Variants in RASSF6 observed in about 807,000 individuals in gnomAD.
The protein encoded by RASSF6 is Ras association domain family member 6.
In RASSF6, 52 loss-of-function variants were observed where a neutral mutation model predicts 44.0. The ratio of observed to expected loss-of-function variants is 1.18; its 90% confidence interval spans 0.95 to 1.49. The LOEUF is 1.49. RASSF6 is among the 40% of genes most tolerant of loss of function. The pLI is 0.00. For missense variants in RASSF6, 464 were observed against 393.3 expected (o/e 1.18, Z -1.52); for synonymous variants, 162 against 124.6 (o/e 1.30, Z -2.00).
chr4:73,614,302 C>T lies in RASSF6; in HGVS notation c.-34-2473G>A, dbSNP rs565550731. ...CTGTTGTGGTCTGAATGTTTGTGTC[C>T]CCACAAAACCTAGATGTTGAAACTT... On this transcript the variant is annotated intron_variant, in intron 1 of 10. Transcript: ENST00000307439. 1.9e-4 allele frequency among the ~76,000 whole-genome samples: 29 copies of T among 152,210 alleles called. No individual in the cohort carries two copies. In the South Asian group the frequency reaches 2.9e-3, roughly 15 times the overall value.
chr4:73,590,174 G>C (rs1441996257), intron 4 of RASSF6, among the ~76,000 whole-genome samples: 2 of 152,204 alleles, frequency 1.3e-5, no homozygotes, highest in Non-Finnish European at 2.9e-5. Flanking sequence ...AGAATAACAA[G>C]TGGTCAGAGC....
intron 3 of RASSF6, among the ~76,000 whole-genome samples, chr4:73,598,384 G>A (rs1258468735): frequency 1.3e-5 from 2 of 152,112 alleles, no homozygotes; most frequent in Admixed American, 6.5e-5. Context: ...AAAGTATTGT[G>A]ATAGATTTTC....
chr4:73,586,596 T>C (rs2149372630), intron 5 of RASSF6, among the ~76,000 whole-genome samples: 2 of 152,094 alleles, frequency 1.3e-5, no homozygotes, highest in East Asian at 3.9e-4. Context: ...GCATTTGTGT[T>C]TTATTTTACT....
rs1402720338 is a variant in RASSF6, at chr4:73,598,676, A to G, written c.108T>C (p.Tyr36=). The change falls in exon 3 of 11, where the codon TAT becomes TAC. Residue 36 remains tyrosine, a synonymous_variant. Transcript: ENST00000307439. ...AAATATGCAGATTTTTCTGGTTCTC[A>G]TAAAAAATGTTATAGGTCTTCAATA... The part of the protein sequence containing the change: ...NSLLKTYNIF[Y]ENQKNLHILY... 1 of 1,531,882 alleles carries G rather than the reference A, an allele frequency of 6.5e-7. No homozygotes were observed. Among genetic ancestry groups the G allele is most frequent in the Non-Finnish European group, 8.9e-7 (1 of 1,126,092 alleles). 94.9% of individuals were successfully genotyped at this position (1,531,882 alleles called of 1,614,324 possible).
At chr4:73,611,868 T>G (rs570372904) in intron 1 of RASSF6, 39 bp from the exon 2 acceptor site, 1 of 1,328,440 alleles carries the variant, frequency 7.5e-7, no homozygotes. Flanking sequence ...GTTCCTATAA[T>G]GCATTAAAAA....
In RASSF6 at chr4:73,576,520, A is replaced by T; in HGVS notation, c.841-13T>A. The T allele has an allele frequency of 6.4e-7, 1 of 1,559,866 alleles. No individual in the cohort carries two copies. Among genetic ancestry groups the T allele is most frequent in the Non-Finnish European group, 8.7e-7 (1 of 1,151,378 alleles). On this transcript the variant is annotated splice_polypyrimidine_tract_variant and intron_variant, in intron 9 of 10. Transcript: ENST00000307439. ...TGTACTGAGCCACCTAAGAAAGAAG[A>T]AGAAGAAAAAAAAAAGAAAGCAGAA...
chr4:73,610,828 T>C (rs1725959159), intron 2 of RASSF6, among the ~76,000 whole-genome samples: 1 of 152,164 alleles, frequency 6.6e-6, no homozygotes, highest in African/African-American at 2.4e-5. Flanking sequence ...TCCATGAGAG[T>C]AAGGGTTTTG....
At chr4:73,618,090 T>A (rs1726471549) in intron 1 of RASSF6, among the ~76,000 whole-genome samples, 1 of 152,170 alleles carries the variant, frequency 6.6e-6, no homozygotes, top group South Asian at 2.1e-4. Context: ...AAAGACTTGT[T>A]ACATACATGT....
rs1723037413 is a variant in RASSF6 at position 73,573,696 on chromosome 4, C to A, written c.*2539G>T. Reference sequence around the variant, plus strand: ...TATTGAGTATTTAATGTTATCATTTCTTAATCTTTGCTAATAGGCCAAAAT... The same window carrying A: ...TATTGAGTATTTAATGTTATCATTTATTAATCTTTGCTAATAGGCCAAAAT... On this transcript the variant is annotated 3_prime_UTR_variant, in exon 11 of 11. Transcript: ENST00000307439. 6.6e-6 allele frequency: 1 copy of A among 152,138 alleles called. No individual in the cohort carries two copies. Among genetic ancestry groups the A allele is most frequent in the Admixed American group, 6.5e-5 (1 of 15,276 alleles). 9.4% of individuals were successfully genotyped at this position (152,138 alleles called of 1,614,324 possible). A position where few individuals can be genotyped will look rare whatever the true frequency, so the allele number is the denominator to read the frequency against.
chr4:73,582,729 G>A (rs1419361512), intron 6 of RASSF6, among the ~76,000 whole-genome samples: 1 of 151,992 alleles, frequency 6.6e-6, no homozygotes, highest in Non-Finnish European at 1.5e-5. Flanking sequence ...AGAGATGGGT[G>A]GGTTTTGGGG....
At chr4:73,599,141 A>G (rs1196396508) in intron 2 of RASSF6, among the ~76,000 whole-genome samples, 1 of 152,046 alleles carries the variant, frequency 6.6e-6, no homozygotes, top group African/African-American at 2.4e-5. Flanking sequence ...CAGTGCCCCA[A>G]CTCTCCAAAT....
rs545429766 is a variant in RASSF6, at chr4:73,602,960, C to A, written c.66-4242G>T. 3.3e-5 allele frequency among the ~76,000 whole-genome samples: 5 copies of A among 152,002 alleles called. No individual in the cohort carries two copies. The East Asian group carries it at 7.7e-4, about 24-fold the overall frequency. On this transcript the variant is annotated intron_variant, in intron 2 of 10. Coordinates refer to ENST00000307439, the MANE Select transcript of RASSF6 (RefSeq NM_177532.5). ...AAAATTAGCAGGGCGCGGTGGCGGGCGCTTGTAGTCCCAGCTACTCAGGAG... is the reference window on the plus strand; with the variant it reads ...AAAATTAGCAGGGCGCGGTGGCGGGAGCTTGTAGTCCCAGCTACTCAGGAG...
chr4:73,593,676 G>A, intron 3 of RASSF6, 83 bp from the exon 4 acceptor site: 2 of 1,372,516 alleles, frequency 1.5e-6, no homozygotes, highest in Non-Finnish European at 2.0e-6. Context: ...TAGAAATTAA[G>A]TGCGTAAGAA....
rs145532340 is a variant in RASSF6, at chr4:73,593,594, C to T, written c.145-1G>A. The T allele has an allele frequency of 3.1e-5, 50 of 1,611,184 alleles. 1 individual carries two copies. The African/African-American group carries it at 6.3e-4, about 20-fold the overall frequency. ...CAACAATTAGTTTGCCATCTTCAGT[C>T]TAAGGAAGAAATGAATAATCCCCCA... On this transcript the variant is annotated splice_acceptor_variant, in intron 3 of 10. Coordinates refer to ENST00000307439, the MANE Select transcript of RASSF6 (RefSeq NM_177532.5). LOFTEE classifies it high-confidence loss of function.
intron 3 of RASSF6, among the ~76,000 whole-genome samples, 190 bp from the exon 4 acceptor site, chr4:73,593,783 A>G (rs1408782945): frequency 6.6e-6 from 1 of 152,242 alleles, no homozygotes; most frequent in Non-Finnish European, 1.5e-5. Context: ...TTATTTTTGA[A>G]AACAGCTATA....
rs560493466 is a variant in RASSF6 at position 73,575,188 on chromosome 4, A to G, written c.*1047T>C. 52 of 152,352 alleles carry G rather than the reference A, an allele frequency of 3.4e-4. 2 individuals are homozygous for G. Among genetic ancestry groups the G allele is most frequent in the African/African-American group, 1.2e-3 (51 of 41,584 alleles). The allele number at this position is 152,352 out of a possible 1,614,324, so 9.4% of individuals were successfully genotyped here. ...CAATTTACTACAATGCTTATGAGGA[A>G]TGCAAATGGAATTAGTTTACAGAAT... On this transcript the variant is annotated 3_prime_UTR_variant, in exon 11 of 11. Coordinates refer to ENST00000307439, the MANE Select transcript of RASSF6 (RefSeq NM_177532.5).
In RASSF6 at chr4:73,576,718, T is replaced by C. The variant is rs1318458564; in HGVS notation, c.735A>G (p.Leu245=). 1 of 1,606,840 alleles carries C rather than the reference T, an allele frequency of 6.2e-7. No homozygotes were observed. The highest frequency in any genetic ancestry group is 1.7e-5 in the Admixed American group (1 of 59,558). ...GCAGTAGCGGAATGTCTGTCTTCTT[T>C]AGTCGTCTTTGTTCTGCAGTGAAAA... ...IIFATGEQRR[L]KKTDIPLLQR... is the part of the protein sequence containing the mutation. Residue 245 remains leucine, a synonymous_variant, in exon 9 of 11, where the codon CTA becomes CTG. Transcript: ENST00000307439.
At chr4:73,581,741 G>T in intron 8 of RASSF6, 76 bp downstream of exon 8, 1 of 949,794 alleles carries the variant, frequency 1.1e-6, no homozygotes, top group Non-Finnish European at 1.7e-6. Flanking sequence ...GAGGCAAACT[G>T]TTCTTCTGCC....
At chr4:73,605,023 G>C (rs1330358085) in intron 2 of RASSF6, among the ~76,000 whole-genome samples, 2 of 151,598 alleles carry the variant, frequency 1.3e-5, no homozygotes, top group South Asian at 4.2e-4. Context: ...CCGAGTAGCT[G>C]GGATTATAGG....
Sources: allele counts gnomAD v4.1 joint callset (sites outside exome capture counted in the v4.1 genomes callset), GRCh38; gene constraint gnomAD v4.1.1; transcripts MANE v1.5; gene names NCBI Gene and HGNC (gene_info 2026-07-23, HGNC 2026-07-21).